ANKRD17: variants seen among roughly 807,000 people sequenced by gnomAD.
ANKRD17 encodes ankyrin repeat domain 17, also known as ankyrin repeat domain-containing protein 17.
A neutral mutation model predicts 229.7 loss-of-function variants in ANKRD17; 19 were observed. That is an observed-to-expected ratio of 0.08 (90% CI 0.06 to 0.12). The LOEUF is 0.12. Among genes scored for constraint, ANKRD17 ranks in the 10% least tolerant of loss-of-function variants. The pLI is 1.00. For synonymous variants in ANKRD17, 1,112 were observed against 1,146.1 expected (o/e 0.97, Z 0.60); for missense variants, 2,176 against 3,176.8 (o/e 0.68, Z 7.57).
intron 29 of ANKRD17, among the ~76,000 whole-genome samples, chr4:73,086,883 G>A (rs1308685269): frequency 1.1e-5 from 1 of 88,734 alleles, no homozygotes; most frequent in African/African-American, 4.6e-5. Flanking sequence ...GGGCGTCCGA[G>A]TGAGACTCCA....
At chr4:73,254,705 T>C (rs1289282205) in intron 1 of ANKRD17, among the ~76,000 whole-genome samples, 1 of 151,756 alleles carries the variant, frequency 6.6e-6, no homozygotes, top group East Asian at 1.9e-4. Context: ...GAGGTGGAAG[T>C]TGCAGTGAGC....
chr4:73,100,376 CCT>C (rs897013698), intron 25 of ANKRD17, among the ~76,000 whole-genome samples: 3 of 151,922 alleles, frequency 2.0e-5, no homozygotes, highest in African/African-American at 7.3e-5. Context: ...ACCCCCTCCC[CCT>C]GTTCTGTTGG....
At chr4:73,137,213 T>C (rs1043667952) in intron 15 of ANKRD17, among the ~76,000 whole-genome samples, 1 of 152,010 alleles carries the variant, frequency 6.6e-6, no homozygotes, top group Non-Finnish European at 1.5e-5. Context: ...GGGGCTTCAT[T>C]TTAGTGTTAG....
At chr4:73,237,261 C>G (rs1261782875) in intron 1 of ANKRD17, among the ~76,000 whole-genome samples, 3 of 152,142 alleles carry the variant, frequency 2.0e-5, no homozygotes, top group African/African-American at 7.2e-5. Context: ...GGATACAAAA[C>G]AAAACTGCTC....
chr4:73,113,135 A>G, intron 24 of ANKRD17: 1 of 1,237,428 alleles, frequency 8.1e-7, no homozygotes. Flanking sequence ...ATAATATTCA[A>G]TGCCAAACCA....
chr4:73,148,102 A>G (rs895746468), intron 8 of ANKRD17, among the ~76,000 whole-genome samples: 5 of 152,228 alleles, frequency 3.3e-5, no homozygotes, highest in African/African-American at 1.2e-4. Flanking sequence ...CAGTGGAGTT[A>G]TGATTCAACC....
chr4:73,234,086 T>C (rs1743302854), intron 1 of ANKRD17, among the ~76,000 whole-genome samples: 1 of 152,158 alleles, frequency 6.6e-6, no homozygotes, highest in Admixed American at 6.5e-5. Context: ...TGAGAACTCA[T>C]ACTTATGGAT....
intron 8 of ANKRD17, among the ~76,000 whole-genome samples, chr4:73,148,584 G>A (rs1038047695): frequency 4.6e-5 from 7 of 152,090 alleles, no homozygotes; most frequent in Admixed American, 2.6e-4. Flanking sequence ...TCTGTTTTTC[G>A]TTCACATATA....
At chr4:73,120,429 T>TA (rs771974687) in intron 20 of ANKRD17, 92 bp from the exon 21 acceptor site, 13 of 1,159,634 alleles carry the variant, frequency 1.1e-5, no homozygotes, top group Non-Finnish European at 1.6e-5. Context: ...AGGAATATGA[T>TA]ACAGCTGTTA....
rs1470889161 is a variant in ANKRD17, at chr4:73,091,345, T to C, written c.6283A>G (p.Ser2095Gly). 6.2e-7 allele frequency: 1 copy of C among 1,614,126 alleles called. No homozygotes were observed. The highest frequency in any genetic ancestry group is 1.1e-5 in the South Asian group (1 of 91,088). Residue 2095 changes from serine (S) to glycine (G), a missense_variant, in exon 29 of 34, where the codon AGC becomes GGC. Ser to Gly is a moderately conservative substitution (Grantham distance 56). This residue lies in a region of ANKRD17 where 424 missense variants were observed against 454.0 expected (regional missense o/e 0.93). Transcript: ENST00000358602. ...VETTNTRPPN[S>G]SSSSGSSSAH... ...GATGAACTCCCAGAAGAACTGCTGC[T>C]GTTTGGAGGTCTAGTGTTTGTTGTT...
At chr4:73,225,095 A>G (rs1422396678) in intron 1 of ANKRD17, among the ~76,000 whole-genome samples, 1 of 152,206 alleles carries the variant, frequency 6.6e-6, no homozygotes, top group Non-Finnish European at 1.5e-5. Flanking sequence ...AGTAATTTAC[A>G]TTGTTGAGAC....
chr4:73,110,680 C>T (rs143958689), intron 24 of ANKRD17, among the ~76,000 whole-genome samples: 133 of 152,260 alleles, frequency 8.7e-4, no homozygotes, highest in African/African-American at 2.9e-3. Flanking sequence ...GTGAGCCAAA[C>T]TCTAATATCC....
intron 25 of ANKRD17, chr4:73,101,058 G>T: frequency 1.1e-6 from 1 of 888,972 alleles, no homozygotes; most frequent in Non-Finnish European, 1.3e-6. Context: ...GTAATGTAGA[G>T]ATGATTTAAA....
chr4:73,155,886 A>C, intron 4 of ANKRD17, 108 bp from the exon 5 acceptor site: 1 of 1,474,528 alleles, frequency 6.8e-7, no homozygotes. Context: ...AGCTATAAGC[A>C]CACAAAATTT....
chr4:73,091,762 C>T lies in ANKRD17; in HGVS notation c.5866G>A (p.Gly1956Ser). 1.4e-5 allele frequency: 22 copies of T among 1,614,124 alleles called. No individual in the cohort carries two copies. The highest frequency in any genetic ancestry group is 1.9e-5 in the Non-Finnish European group (22 of 1,180,036). Residue 1956 changes from glycine to serine, a missense_variant, in exon 29 of 34, where the codon GGT becomes AGT. By Grantham distance (56) the Gly-to-Ser change is moderately conservative. This residue lies in a region of ANKRD17 where 424 missense variants were observed against 454.0 expected (regional missense o/e 0.93). Transcript: ENST00000358602. Reference protein sequence around the residue: ...VPRHSNQNSSGSQVNSAGSLT... With the variant: ...VPRHSNQNSSSSQVNSAGSLT... ...GAACCTGCTGAATTCACCTGAGAAC[C>T]ACTGCTATTCTGATTGCTATGGCGA... is the stretch of plus-strand genomic sequence containing the variant.
At chr4:73,164,875 A>G (rs1733028092) in intron 2 of ANKRD17, among the ~76,000 whole-genome samples, 1 of 150,696 alleles carries the variant, frequency 6.6e-6, no homozygotes, top group African/African-American at 2.4e-5. Context: ...AAAACCATAG[A>G]AATTCAGATA....
Position 73,090,797 on chromosome 4 carries a change from C to T in ANKRD17, c.6831G>A (p.Gln2277=). The change falls in exon 29 of 34, where the codon CAG becomes CAA. Residue 2277 remains glutamine, a synonymous_variant. Transcript: ENST00000358602. The stretch of plus-strand genomic sequence containing the variant: ...CTGATAGCATAGATTCTGGTGTTGA[C>T]TGAGATGAAACAACAGATCCTCCCC... ...AFWGGSVVSS[Q]STPESMLSGK... 7 of 1,614,158 alleles carry T rather than the reference C, an allele frequency of 4.3e-6. No individual in the cohort carries two copies. The highest frequency in any genetic ancestry group is 5.9e-6 in the Non-Finnish European group (7 of 1,180,052).
chr4:73,146,733 A>G (rs755310118), intron 10 of ANKRD17, 31 bp downstream of exon 10: 4 of 1,452,280 alleles, frequency 2.8e-6, no homozygotes, highest in South Asian at 1.3e-5. Flanking sequence ...TTATTGTTAA[A>G]TATTAAGATT....
chr4:73,076,808 C>T, intron 33 of ANKRD17, 132 bp downstream of exon 33: 1 of 1,109,946 alleles, frequency 9.0e-7, no homozygotes, highest in Non-Finnish European at 1.3e-6. Context: ...TGCTATATTG[C>T]AGCTATATTA....
Sources: allele counts gnomAD v4.1 joint callset (sites outside exome capture counted in the v4.1 genomes callset), GRCh38; gene constraint gnomAD v4.1.1; regional missense constraint gnomAD v4.1.1; transcripts MANE v1.5; gene names NCBI Gene and HGNC (gene_info 2026-07-23, HGNC 2026-07-21).